EDARADD: variants seen among roughly 807,000 people sequenced by gnomAD.
EDARADD encodes EDAR associated via death domain.
EDARADD carries 20 observed loss-of-function variants against 25.6 expected under a neutral mutation model. That is an observed-to-expected ratio of 0.78 (90% CI 0.55 to 1.14). EDARADD has a LOEUF of 1.14. EDARADD is among the 50% of genes most tolerant of loss of function. The pLI is 0.00. For missense variants in EDARADD, 225 were observed against 270.1 expected (o/e 0.83, Z 1.17); for synonymous variants, 86 against 94.4 (o/e 0.91, Z 0.52).
upstream of EDARADD, among the ~76,000 whole-genome samples, chr1:236,390,724 T>G (rs1259620488): frequency 1.3e-5 from 2 of 152,168 alleles, no homozygotes; most frequent in Non-Finnish European, 2.9e-5. Flanking sequence ...CTCTCCTAGC[T>G]CTGTTCCATC....
intron 3 of EDARADD, among the ~76,000 whole-genome samples, chr1:236,373,505 T>G (rs1667194393): frequency 6.6e-6 from 1 of 152,214 alleles, no homozygotes; most frequent in Admixed American, 6.5e-5. Context: ...TGTGCCCAGC[T>G]CCTTCTTACA....
At chr1:236,455,841 G>C (rs1658844824) in intron 4 of EDARADD, among the ~76,000 whole-genome samples, 1 of 152,204 alleles carries the variant, frequency 6.6e-6, no homozygotes, top group South Asian at 2.1e-4. Context: ...CCAGGCTGGA[G>C]AGCAGTTGCG....
chr1:236,381,401 G>T (rs1302955720), intron 3 of EDARADD, among the ~76,000 whole-genome samples: 1 of 151,782 alleles, frequency 6.6e-6, no homozygotes, highest in Non-Finnish European at 1.5e-5. Context: ...GTGCAGGTTT[G>T]TTACATATAA....
chr1:236,422,977 G>A (rs990753070), intron 3 of EDARADD, among the ~76,000 whole-genome samples: 2 of 152,174 alleles, frequency 1.3e-5, no homozygotes, highest in Non-Finnish European at 1.5e-5. Flanking sequence ...AGCAGTTGCT[G>A]CTCTAATAAT....
intron 4 of EDARADD, among the ~76,000 whole-genome samples, chr1:236,458,010 C>T (rs1430251851): frequency 6.6e-6 from 1 of 152,220 alleles, no homozygotes; most frequent in Non-Finnish European, 1.5e-5. Context: ...CTGCTGGCTG[C>T]AATGCCTTTG....
chr1:236,363,006 A>ATATATATATATATATATATATAT (rs1553262239), intron 3 of EDARADD, among the ~76,000 whole-genome samples: 7 of 42,938 alleles, frequency 1.6e-4, no homozygotes, highest in East Asian at 1.9e-3. Flanking sequence ...AAAAAAAAAA[A>ATATATATATATATATATATATAT]ATATATATAT....
chr1:236,449,771 G>A (rs1234177601), intron 4 of EDARADD, among the ~76,000 whole-genome samples: 1 of 152,168 alleles, frequency 6.6e-6, no homozygotes, highest in Non-Finnish European at 1.5e-5. Flanking sequence ...TAGGGATACA[G>A]AATTCTTTCT....
At chr1:236,424,428 G>T (rs1257887952) in intron 3 of EDARADD, among the ~76,000 whole-genome samples, 1 of 152,030 alleles carries the variant, frequency 6.6e-6, no homozygotes, top group Non-Finnish European at 1.5e-5. Flanking sequence ...CTCCCAAAGT[G>T]CTGGGATTAC....
rs538131590 is a variant in EDARADD at position 236,472,641 on chromosome 1, G to GA, written c.265+4370dup. ...CCTCCTGGGCTCAAGCAATTCTCCT[G>GA]AAAAAGGCTGTTGGTTATTAATGCT... On this transcript the variant is annotated intron_variant, in intron 5 of 5. Coordinates refer to ENST00000334232, the MANE Select transcript of EDARADD (RefSeq NM_145861.4). 5.0e-3 allele frequency among the ~76,000 whole-genome samples: 766 copies of GA among 152,280 alleles called. 3 individuals are homozygous for GA. Among genetic ancestry groups the GA allele is most frequent in the African/African-American group, 0.017 (708 of 41,538 alleles).
chr1:236,414,035 C>A (rs1178740255), intron 2 of EDARADD, among the ~76,000 whole-genome samples: 2 of 152,176 alleles, frequency 1.3e-5, no homozygotes, highest in Non-Finnish European at 2.9e-5. Flanking sequence ...AATTTGGAAG[C>A]CTTATTCTGT....
intron 5 of EDARADD, among the ~76,000 whole-genome samples, chr1:236,478,925 C>T (rs1558138788): frequency 6.6e-6 from 1 of 152,056 alleles, no homozygotes; most frequent in Non-Finnish European, 1.5e-5. Context: ...GAATGGAAAA[C>T]CAAACATCGT....
At chr1:236,421,708 A>G (rs1657790906) in intron 3 of EDARADD, among the ~76,000 whole-genome samples, 1 of 151,676 alleles carries the variant, frequency 6.6e-6, no homozygotes, top group Non-Finnish European at 1.5e-5. Flanking sequence ...ATGTTAACCT[A>G]ACCTCTAACT....
intron 3 of EDARADD, among the ~76,000 whole-genome samples, chr1:236,357,995 C>G (rs759424233): frequency 1.3e-5 from 2 of 152,046 alleles, no homozygotes; most frequent in Non-Finnish European, 2.9e-5. Flanking sequence ...GCCTCAGCCT[C>G]CTGAATAACA....
intron 1 of EDARADD, 104 bp from the exon 2 acceptor site, chr1:236,409,112 G>T: frequency 3.4e-5 from 20 of 591,942 alleles, no homozygotes; most frequent in South Asian, 6.0e-5. Flanking sequence ...TTCAGCCTAA[G>T]TAAAATTACT....
At chr1:236,413,218 TGG>T (rs1246615723) in intron 2 of EDARADD, among the ~76,000 whole-genome samples, 1 of 152,222 alleles carries the variant, frequency 6.6e-6, no homozygotes, top group East Asian at 1.9e-4. Flanking sequence ...TCCTCGGTCT[TGG>T]GAGTAGAATG....
chr1:236,471,435 T>C (rs1367618396), intron 5 of EDARADD, among the ~76,000 whole-genome samples: 1 of 151,272 alleles, frequency 6.6e-6, no homozygotes, highest in Non-Finnish European at 1.5e-5. Flanking sequence ...ATATTTTAAA[T>C]ATGTTTATTT....
At chr1:236,409,091 G>GAAA in intron 1 of EDARADD, 125 bp from the exon 2 acceptor site, 1 of 414,414 alleles carries the variant, frequency 2.4e-6, no homozygotes. Flanking sequence ...AAAAAAAGGA[G>GAAA]TAAGGTTTTC....
chr1:236,367,084 CAAAA>C lies in EDARADD; in HGVS notation c.-6+16261_-6+16264del, dbSNP rs753983803. On this transcript the variant is annotated intron_variant, in intron 3 of 7. Coordinates refer to the EDARADD transcript ENST00000439430. ...GGGCGACAGAGTGAGACTCCATCGCCAAAAAAAAAAAAAAAAAAAGTAGAGTGTC... is the reference window on the plus strand; with the variant it reads ...GGGCGACAGAGTGAGACTCCATCGCCAAAAAAAAAAAAAAAGTAGAGTGTC... Among the ~76,000 whole-genome samples, 15 of 61,934 alleles carry C rather than the reference CAAAA, an allele frequency of 2.4e-4. 1 individual carries two copies. The highest frequency in any genetic ancestry group is 9.0e-4 in the African/African-American group (14 of 15,518). 40.6% of individuals were successfully genotyped at this position (61,934 alleles called of 152,430 possible).
intron 4 of EDARADD, among the ~76,000 whole-genome samples, chr1:236,433,149 A>G (rs1182709930): frequency 3.0e-5 from 4 of 131,484 alleles, no homozygotes; most frequent in African/African-American, 1.0e-4. Context: ...CATACTAAAT[A>G]AAATTTAGAT....
Sources: allele counts gnomAD v4.1 joint callset (sites outside exome capture counted in the v4.1 genomes callset), GRCh38; gene constraint gnomAD v4.1.1; transcripts MANE v1.5; gene names NCBI Gene and HGNC (gene_info 2026-07-23, HGNC 2026-07-21).